Variants in CEP192 observed in about 807,000 individuals in gnomAD.
CEP192 encodes the protein centrosomal protein 192, also known as centrosomal protein of 192 kDa.
Under a neutral mutation model 271.8 loss-of-function variants are expected in CEP192, and 151 were observed. That is an observed-to-expected ratio of 0.56 (90% CI 0.49 to 0.64). CEP192 has a LOEUF of 0.64. Ranked by LOEUF, CEP192 falls within the 30% of genes least tolerant of loss-of-function variation. CEP192 has a pLI of 0.00. For synonymous variants in CEP192, 995 were observed against 1,076.5 expected (o/e 0.92, Z 1.48); for missense variants, 2,910 against 3,020.5 (o/e 0.96, Z 0.86).
At chr18:13,058,853 G>A (rs1422024626) in intron 20 of CEP192, 2 of 536,208 alleles carry the variant, frequency 3.7e-6, no homozygotes, top group African/African-American at 3.8e-5. Flanking sequence ...TTGCTTGGAG[G>A]TGGACTGGGG....
Position 13,049,873 on chromosome 18 carries a change from C to T in CEP192, c.2999C>T (p.Ser1000Phe). ...AGTCATTCTTCTCCTAGTGAAATTTCTGGAACGAGTTCATCAGGGTAAGTG... is the reference window on the plus strand; with the variant it reads ...AGTCATTCTTCTCCTAGTGAAATTTTTGGAACGAGTTCATCAGGGTAAGTG... The part of the protein sequence containing the change: ...PLSHSSPSEI[S>F]GTSSSGCALE... The change falls in exon 17 of 45, where the codon TCT becomes TTT. Residue 1000 changes from serine to phenylalanine, a missense_variant. By Grantham distance (155) the Ser-to-Phe change is radical (BLOSUM62 -2). Transcript: ENST00000506447. The T allele has an allele frequency of 6.2e-7, 1 of 1,613,922 alleles. No homozygotes were observed. Among genetic ancestry groups the T allele is most frequent in the Non-Finnish European group, 8.5e-7 (1 of 1,179,922 alleles).
rs2039814768 is a variant in CEP192 at position 13,103,549 on chromosome 18, G to A, written c.6912G>A (p.Val2304=). ...TCGAGAATCATGGCACCACAGACGT[G>A]AAATGGCATCTGTCATCTTTAGCGC... ...LELENHGTTD[V]KWHLSSLAPP... The change falls in exon 39 of 45, where the codon GTG becomes GTA. Residue 2304 remains valine (V), a synonymous_variant. Transcript: ENST00000506447. 1.2e-6 allele frequency: 2 copies of A among 1,613,978 alleles called. No homozygotes were observed. The highest frequency in any genetic ancestry group is 1.7e-6 in the Non-Finnish European group (2 of 1,179,948).
Position 13,073,050 on chromosome 18 carries a change from CTG to C in CEP192, c.5484_5485del (p.Cys1828Ter), listed in dbSNP as rs2038097110. The C allele has an allele frequency of 1.9e-6, 3 of 1,612,970 alleles. No homozygotes were observed. The highest frequency in any genetic ancestry group is 2.5e-6 in the Non-Finnish European group (3 of 1,179,688). ...GTTCAGAACAGCGATTGACCAGTAACTGTGAGATCAGAATTCACCCAAAGGAA... is the reference window on the plus strand; with the variant it reads ...GTTCAGAACAGCGATTGACCAGTAACTGAGATCAGAATTCACCCAAAGGAA... ...FGSEQRLTSN[C>X]EIRIHPKEDI... On this transcript the variant is annotated frameshift_variant, in exon 30 of 45. Coordinates refer to ENST00000506447, the MANE Select transcript of CEP192 (RefSeq NM_032142.4). LOFTEE classifies it high-confidence loss of function.
At chr18:13,099,654 T>A in intron 37 of CEP192, 73 bp downstream of exon 37, 1 of 712,666 alleles carries the variant, frequency 1.4e-6, no homozygotes, top group Non-Finnish European at 2.4e-6. Flanking sequence ...ATAATCCTTA[T>A]TAGCACTTAA....
intron 30 of CEP192, among the ~76,000 whole-genome samples, chr18:13,083,027 G>A (rs2038706800): frequency 2.0e-5 from 3 of 152,268 alleles, no homozygotes; most frequent in South Asian, 4.1e-4. Flanking sequence ...TGGGTAACCC[G>A]ACCTTTGTCT....
intron 33 of CEP192, among the ~76,000 whole-genome samples, chr18:13,091,365 T>C (rs999247153): frequency 6.6e-6 from 1 of 152,188 alleles, no homozygotes; most frequent in Non-Finnish European, 1.5e-5. Flanking sequence ...GACACCAGAA[T>C]TTCACCTCAA....
chr18:13,041,536 C>T (rs746591109), intron 14 of CEP192, among the ~76,000 whole-genome samples: 3 of 151,678 alleles, frequency 2.0e-5, no homozygotes, highest in African/African-American at 7.3e-5. Context: ...TAAAGATGCA[C>T]CCACTTATTT....
intron 40 of CEP192, among the ~76,000 whole-genome samples, chr18:13,111,374 C>T (rs571358533): frequency 4.6e-5 from 7 of 152,312 alleles, no homozygotes; most frequent in African/African-American, 1.7e-4. Flanking sequence ...ATCCACCTGC[C>T]TTGGCCTCCC....
rs1238657008 is a variant in CEP192, at chr18:13,000,102, T to C, written c.164+514T>C. On this transcript the variant is annotated intron_variant, in intron 2 of 44. Transcript: ENST00000506447. ...TCATTGTCTTCTCTCTTTTTTTTTT[T>C]TTTTTTTTTTTTTTTTGCTAATTAA... is the stretch of plus-strand genomic sequence containing the variant. 9.8e-3 allele frequency among the ~76,000 whole-genome samples: 1,389 copies of C among 141,840 alleles called. 62 individuals are homozygous for C. Among genetic ancestry groups the C allele is most frequent in the East Asian group, 0.033 (162 of 4,876 alleles). 93.1% of individuals were successfully genotyped at this position (141,840 alleles called of 152,430 possible).
intron 28 of CEP192, 29 bp downstream of exon 28, chr18:13,071,241 A>G: frequency 6.4e-7 from 1 of 1,572,628 alleles, no homozygotes; most frequent in Non-Finnish European, 8.7e-7. Flanking sequence ...CAAATCGTCC[A>G]CTATTTATAC....
intron 38 of CEP192, 32 bp downstream of exon 38, chr18:13,100,544 GTC>G: frequency 1.4e-6 from 2 of 1,480,464 alleles, no homozygotes; most frequent in South Asian, 2.3e-5. Context: ...TAATTCAAAT[GTC>G]TGCTGATATA....
intron 1 of CEP192, among the ~76,000 whole-genome samples, chr18:12,992,587 G>C (rs900142067): frequency 6.6e-6 from 1 of 152,148 alleles, no homozygotes; most frequent in African/African-American, 2.4e-5. Flanking sequence ...ATGGAGGAGG[G>C]GTGGGTAATG....
At chr18:13,053,124 C>T in intron 18 of CEP192, 34 bp downstream of exon 18, 1 of 1,530,298 alleles carries the variant, frequency 6.5e-7, no homozygotes, top group Non-Finnish European at 8.9e-7. Context: ...ATTACTAAGG[C>T]TTTCAACTCT....
In CEP192 at chr18:13,124,671, G is replaced by C; in HGVS notation, c.7515G>C (p.Pro2505=). ...TCAACATGCCCGTGCAGTTCAAACC[G>C]AAGTCCGCAGGCAAATTTGAAGCTT... The part of the protein sequence containing the change: ...HYINMPVQFK[P]KSAGKFEALL... Residue 2505 remains proline, a synonymous_variant, in exon 45 of 45, where the codon CCG becomes CCC. Transcript: ENST00000506447. 6 of 1,613,868 alleles carry C rather than the reference G, an allele frequency of 3.7e-6. No individual in the cohort carries two copies. Among genetic ancestry groups the C allele is most frequent in the Non-Finnish European group, 5.1e-6 (6 of 1,179,878 alleles).
At chr18:13,075,552 G>A (rs113126461) in intron 30 of CEP192, among the ~76,000 whole-genome samples, 20,788 of 151,636 alleles carry the variant, frequency 0.14, 1,564 homozygotes, top group East Asian at 0.31. Flanking sequence ...GTGACAGAGC[G>A]AGACTCCATC....
At chr18:13,032,043 A>G (rs1349535882) in intron 11 of CEP192, among the ~76,000 whole-genome samples, 1 of 152,052 alleles carries the variant, frequency 6.6e-6, no homozygotes, top group East Asian at 1.9e-4. Context: ...GAGTGGATTG[A>G]GTTTTGACCA....
intron 30 of CEP192, among the ~76,000 whole-genome samples, chr18:13,077,906 C>T (rs1036928725): frequency 1.3e-5 from 2 of 151,898 alleles, no homozygotes; most frequent in African/African-American, 2.4e-5. Context: ...CCCACATATC[C>T]ATCCATCAGC....
chr18:13,094,160 A>G (rs1385541424), intron 34 of CEP192, among the ~76,000 whole-genome samples: 2 of 152,142 alleles, frequency 1.3e-5, no homozygotes, highest in Admixed American at 6.5e-5. Flanking sequence ...CACTAATACT[A>G]TTTTCATCAC....
chr18:13,021,531 A>C lies in CEP192; in HGVS notation c.1050+2325A>C, dbSNP rs116563559. Among the ~76,000 whole-genome samples the C allele has an allele frequency of 5.9e-3, 903 of 152,242 alleles. 9 individuals carry two copies. The highest frequency in any genetic ancestry group is 0.021 in the African/African-American group (867 of 41,532). On this transcript the variant is annotated intron_variant, in intron 9 of 44. Coordinates refer to ENST00000506447, the MANE Select transcript of CEP192 (RefSeq NM_032142.4). ...CACTATATCTTTGTAGGACATTGGG[A>C]AGTGTTAGTCCTTCATCCTTCAACT... is the stretch of plus-strand genomic sequence containing the variant.
Sources: gnomAD v4.1 joint callset for allele counts (sites outside exome capture counted in the v4.1 genomes callset) on GRCh38, gnomAD v4.1.1 for gene constraint, MANE v1.5 for transcripts, NCBI Gene and HGNC (gene_info 2026-07-23, HGNC 2026-07-21) for gene names.